NUP54: variants seen among roughly 807,000 people sequenced by gnomAD.
The protein encoded by NUP54 is nucleoporin 54.
A neutral mutation model predicts 66.4 loss-of-function variants in NUP54; 27 were observed. That is an observed-to-expected ratio of 0.41 (90% CI 0.30 to 0.56). NUP54 has a LOEUF of 0.56. NUP54 is among the 20% of genes least tolerant of loss of function. NUP54 has a pLI of 0.34. For missense variants in NUP54, 486 were observed against 596.3 expected (o/e 0.82, Z 1.93); for synonymous variants, 206 against 210.7 (o/e 0.98, Z 0.19).
chr4:76,127,268 T>A (rs1283860002), intron 8 of NUP54, among the ~76,000 whole-genome samples: 1 of 151,782 alleles, frequency 6.6e-6, no homozygotes, highest in Non-Finnish European at 1.5e-5. Context: ...CCATTTCTAC[T>A]AAAAATACAA....
At chr4:76,120,397 A>G (rs1730177675) in intron 9 of NUP54, among the ~76,000 whole-genome samples, 1 of 149,058 alleles carries the variant, frequency 6.7e-6, no homozygotes, top group Non-Finnish European at 1.5e-5. Flanking sequence ...AATTTTTCCC[A>G]ACCGCATGAG....
intron 3 of NUP54, among the ~76,000 whole-genome samples, chr4:76,140,219 GA>G (rs560460853): frequency 2.0e-5 from 3 of 147,794 alleles, no homozygotes; most frequent in Admixed American, 6.7e-5. Context: ...GATAGAGGGA[GA>G]AAAAAAATAG....
chr4:76,118,015 CTT>C, intron 10 of NUP54, 58 bp downstream of exon 10: 1 of 1,557,068 alleles, frequency 6.4e-7, no homozygotes, highest in Non-Finnish European at 8.8e-7. Flanking sequence ...GATTACATAA[CTT>C]TTTGTCTGCA....
At chr4:76,138,283 C>T (rs1323447631) in intron 3 of NUP54, among the ~76,000 whole-genome samples, 3 of 152,186 alleles carry the variant, frequency 2.0e-5, no homozygotes, top group Non-Finnish European at 4.4e-5. Context: ...GATGAATCAA[C>T]TGTGATCTCT....
At chr4:76,120,543 C>T (rs1404476471) in intron 9 of NUP54, among the ~76,000 whole-genome samples, 1 of 151,796 alleles carries the variant, frequency 6.6e-6, no homozygotes, top group Non-Finnish European at 1.5e-5. Context: ...AATTCTCTGC[C>T]TCAGCCTCCC....
intron 9 of NUP54, among the ~76,000 whole-genome samples, chr4:76,122,864 G>C (rs999747495): frequency 6.6e-6 from 1 of 152,134 alleles, no homozygotes; most frequent in African/African-American, 2.4e-5. Context: ...AGCAATAAAT[G>C]AATAATAATC....
At chr4:76,126,830 G>C (rs946306329) in intron 8 of NUP54, among the ~76,000 whole-genome samples, 1 of 152,108 alleles carries the variant, frequency 6.6e-6, no homozygotes, top group Non-Finnish European at 1.5e-5. Context: ...TGCATTTAAT[G>C]CAATTCCAAC....
chr4:76,124,682 C>T lies in NUP54; in HGVS notation c.1131G>A (p.Arg377=). ...TTCTATGGGAAAGATCCATGAGTTTCCTCTTGTATTGTGCAATTTTGGCTA... is the reference window on the plus strand; with the variant it reads ...TTCTATGGGAAAGATCCATGAGTTTTCTCTTGTATTGTGCAATTTTGGCTA... The part of the protein sequence containing the change: ...TSVAKIAQYK[R]KLMDLSHRTL... The change falls in exon 9 of 12, where the codon AGG becomes AGA. Residue 377 remains arginine, a synonymous_variant. Transcript: ENST00000264883. 6.3e-7 allele frequency: 1 copy of T among 1,596,804 alleles called. No homozygotes were observed. Among genetic ancestry groups the T allele is most frequent in the Non-Finnish European group, 8.6e-7 (1 of 1,169,012 alleles).
chr4:76,115,935 C>T (rs1729932751), intron 11 of NUP54, among the ~76,000 whole-genome samples: 1 of 152,140 alleles, frequency 6.6e-6, no homozygotes, highest in Non-Finnish European at 1.5e-5. Context: ...TAAGACTCCT[C>T]CTCATGGGTT....
At chr4:76,128,396 GAA>G (rs5859495) in intron 8 of NUP54, among the ~76,000 whole-genome samples, 1 of 120,696 alleles carries the variant, frequency 8.3e-6, no homozygotes, top group African/African-American at 3.0e-5. Context: ...AGGAAATGCT[GAA>G]AAAAAAAAAA....
intron 5 of NUP54, 64 bp from the exon 6 acceptor site, chr4:76,132,783 A>G (rs948701612): frequency 2.5e-6 from 3 of 1,178,218 alleles, no homozygotes; most frequent in Admixed American, 2.2e-5. Flanking sequence ...AAACCTCAGC[A>G]TATCATAGCA....
chr4:76,138,938 A>G (rs1329149626), intron 3 of NUP54, among the ~76,000 whole-genome samples: 1 of 152,188 alleles, frequency 6.6e-6, no homozygotes, highest in Admixed American at 6.5e-5. Context: ...CAAAATGGTA[A>G]TTTTATAAAG....
chr4:76,117,703 C>T lies in NUP54; in HGVS notation c.1356G>A (p.Arg452=). 1 of 1,613,650 alleles carries T rather than the reference C, an allele frequency of 6.2e-7. No individual in the cohort carries two copies. Among genetic ancestry groups the T allele is most frequent in the South Asian group, 1.1e-5 (1 of 91,062 alleles). Residue 452 remains arginine, a synonymous_variant, in exon 11 of 12, where the codon AGG becomes AGA. Transcript: ENST00000264883. ...NHFGAVRSEE[R]YYIDADLLRE... is the part of the protein sequence containing the mutation. ...GTAACAGATCTGCATCTATGTAATA[C>T]CTTTCTTCAGATCTGACTGCTCCAA...
chr4:76,147,782 A>C, intron 1 of NUP54: 1 of 517,740 alleles, frequency 1.9e-6, no homozygotes, highest in Non-Finnish European at 3.1e-6. Context: ...CAGTTTAAGA[A>C]AGCAGAGTGG....
intron 1 of NUP54, chr4:76,147,655 G>A (rs1168482729): frequency 7.8e-7 from 1 of 1,280,916 alleles, no homozygotes; most frequent in Admixed American, 2.5e-5. Context: ...TAGGCGTGTA[G>A]GCAAAGAAAC....
chr4:76,122,332 A>T (rs1730271080), intron 9 of NUP54, among the ~76,000 whole-genome samples: 2 of 152,158 alleles, frequency 1.3e-5, no homozygotes, highest in African/African-American at 2.4e-5. Flanking sequence ...CAGTTCTATG[A>T]ATCTGGCAAA....
chr4:76,120,729 G>C (rs1730200446), intron 9 of NUP54, among the ~76,000 whole-genome samples: 1 of 152,084 alleles, frequency 6.6e-6, no homozygotes, highest in Non-Finnish European at 1.5e-5. Flanking sequence ...GCCCGGCCAG[G>C]ATCTCATTTT....
At chr4:76,132,740 T>C (rs747110032) in intron 5 of NUP54, 21 bp from the exon 6 acceptor site, 2 of 1,578,540 alleles carry the variant, frequency 1.3e-6, no homozygotes, top group Non-Finnish European at 1.7e-6. Flanking sequence ...AATAACCAAT[T>C]TATAAAATAT....
intron 5 of NUP54, 54 bp downstream of exon 5, chr4:76,134,121 C>G (rs1172031178): frequency 7.5e-7 from 1 of 1,341,490 alleles, no homozygotes; most frequent in Non-Finnish European, 1.0e-6. Context: ...TGATCACTCC[C>G]TTAGGACCAG....
Sources: allele counts gnomAD v4.1 joint callset (sites outside exome capture counted in the v4.1 genomes callset), GRCh38; gene constraint gnomAD v4.1.1; transcripts MANE v1.5; gene names NCBI Gene and HGNC (gene_info 2026-07-23, HGNC 2026-07-21).